Variants in DLG2 observed in about 807,000 individuals in gnomAD.
DLG2 encodes the protein discs large MAGUK scaffold protein 2, also known as disks large homolog 2.
A neutral mutation model predicts 132.5 loss-of-function variants in DLG2; 45 were observed. That is an observed-to-expected ratio of 0.34 (90% CI 0.27 to 0.44). DLG2 has a LOEUF of 0.44. Among genes scored for constraint, DLG2 ranks in the 20% least tolerant of loss-of-function variants. The pLI, the probability that DLG2 is intolerant of heterozygous loss-of-function variation, is 1.00. For synonymous variants in DLG2, 424 were observed against 419.6 expected (o/e 1.01, Z -0.13); for missense variants, 1,045 against 1,196.9 (o/e 0.87, Z 1.87).
intron 7 of DLG2, among the ~76,000 whole-genome samples, chr11:84,299,992 T>C (rs1219783641): frequency 6.6e-6 from 1 of 152,140 alleles, no homozygotes; most frequent in African/African-American, 2.4e-5. Flanking sequence ...GAACAACGTG[T>C]TTGTAACAGA....
intron 7 of DLG2, among the ~76,000 whole-genome samples, chr11:84,532,705 C>T (rs2099345755): frequency 1.3e-5 from 2 of 152,110 alleles, no homozygotes; most frequent in African/African-American, 4.8e-5. Flanking sequence ...CCTTGTTACC[C>T]AGGCTGGTCT....
At chr11:85,425,018 C>A in intron 3 of DLG2, among the ~76,000 whole-genome samples, 1 of 90,932 alleles carries the variant, frequency 1.1e-5, no homozygotes. Context: ...ACTTCTAGAG[C>A]AAAAAACAAA....
intron 3 of DLG2, among the ~76,000 whole-genome samples, chr11:85,372,315 CTA>C (rs1209667067): frequency 1.3e-5 from 2 of 152,204 alleles, no homozygotes; most frequent in Non-Finnish European, 2.9e-5. Context: ...GCAAGCATAA[CTA>C]TAGCTACCAA....
At chr11:84,674,023 T>C (rs17735326) in intron 6 of DLG2, among the ~76,000 whole-genome samples, 12,557 of 152,252 alleles carry the variant, frequency 0.082, 673 homozygotes, top group Middle Eastern at 0.13. Context: ...AGGTGCAGAA[T>C]AATGGCACAA....
At chr11:84,567,333 T>C (rs772079475) in intron 6 of DLG2, among the ~76,000 whole-genome samples, 1 of 152,168 alleles carries the variant, frequency 6.6e-6, no homozygotes, top group Non-Finnish European at 1.5e-5. Context: ...AGCTGAAAAG[T>C]ATGCTACTGG....
At chr11:84,117,144 A>G (rs1355466403) in intron 9 of DLG2, among the ~76,000 whole-genome samples, 2 of 152,178 alleles carry the variant, frequency 1.3e-5, no homozygotes, top group African/African-American at 4.8e-5. Context: ...CCTAATCCTT[A>G]CAAATGAAAG....
chr11:83,568,301 A>G (rs1455839212), intron 19 of DLG2, among the ~76,000 whole-genome samples: 1 of 152,120 alleles, frequency 6.6e-6, no homozygotes, highest in Non-Finnish European at 1.5e-5. Context: ...ATTTGGGCTA[A>G]GGTAATGGAT....
intron 16 of DLG2, among the ~76,000 whole-genome samples, chr11:83,855,249 T>C (rs1009379515): frequency 5.3e-5 from 8 of 152,232 alleles, no homozygotes; most frequent in Admixed American, 2.0e-4. Context: ...CTTTGGAAGA[T>C]AGTTTGGTGG....
chr11:84,475,608 G>A (rs1419235888), intron 7 of DLG2, among the ~76,000 whole-genome samples: 1 of 152,118 alleles, frequency 6.6e-6, no homozygotes, highest in Non-Finnish European at 1.5e-5. Flanking sequence ...TTGGTAGCTT[G>A]TGGGAGTATT....
intron 7 of DLG2, chr11:84,272,334 G>A (rs2097735511): frequency 4.8e-6 from 2 of 416,726 alleles, no homozygotes; most frequent in Non-Finnish European, 9.7e-6. Context: ...GAGTTTCTAT[G>A]TCAGAAATAA....
At chr11:84,412,624 T>C (rs188303393) in intron 7 of DLG2, among the ~76,000 whole-genome samples, 2 of 152,306 alleles carry the variant, frequency 1.3e-5, no homozygotes, top group Admixed American at 1.3e-4. Context: ...CAAACAGTAT[T>C]GTAAACTGCC....
intron 3 of DLG2, among the ~76,000 whole-genome samples, chr11:85,344,776 G>C (rs2082716701): frequency 6.6e-6 from 1 of 151,680 alleles, no homozygotes; most frequent in Non-Finnish European, 1.5e-5. Context: ...GTATTGCTGA[G>C]TTGGATTTCC....
At chr11:83,801,068 C>T (rs2153938710) in intron 17 of DLG2, among the ~76,000 whole-genome samples, 1 of 152,276 alleles carries the variant, frequency 6.6e-6, no homozygotes, top group East Asian at 1.9e-4. Context: ...CGAGAGTTTT[C>T]TCATTTTCAG....
At chr11:83,530,238 C>T (rs2095706595) in intron 21 of DLG2, among the ~76,000 whole-genome samples, 1 of 152,058 alleles carries the variant, frequency 6.6e-6, no homozygotes, top group Non-Finnish European at 1.5e-5. Context: ...CATGATGTCA[C>T]ATACCCTCAC....
chr11:84,405,716 A>AG (rs2098846389), intron 7 of DLG2, among the ~76,000 whole-genome samples: 1 of 152,170 alleles, frequency 6.6e-6, no homozygotes. Flanking sequence ...GAAAGTACTA[A>AG]GGGGGAAAAA....
intron 22 of DLG2, chr11:83,480,620 TTTC>T: frequency 6.4e-7 from 1 of 1,557,246 alleles, no homozygotes. Context: ...TTGATTGCTG[TTTC>T]TTCTTTTTAG....
intron 19 of DLG2, among the ~76,000 whole-genome samples, chr11:83,607,839 C>T (rs754555120): frequency 6.6e-6 from 1 of 152,200 alleles, no homozygotes; most frequent in Non-Finnish European, 1.5e-5. Flanking sequence ...TTATAAATAT[C>T]ATGTTGAGCC....
intron 21 of DLG2, among the ~76,000 whole-genome samples, chr11:83,530,392 A>T (rs536842205): frequency 3.4e-4 from 51 of 151,924 alleles, no homozygotes; most frequent in African/African-American, 1.1e-3. Flanking sequence ...GGGCCTCAAA[A>T]TCCCTGAGAA....
At chr11:85,410,966 C>G (rs1421340871) in intron 3 of DLG2, among the ~76,000 whole-genome samples, 1 of 151,826 alleles carries the variant, frequency 6.6e-6, no homozygotes, top group Non-Finnish European at 1.5e-5. Context: ...AGCAAGTTTG[C>G]TTCCAGAGGC....
Sources: allele counts gnomAD v4.1 joint callset (sites outside exome capture counted in the v4.1 genomes callset), GRCh38; gene constraint gnomAD v4.1.1; transcripts MANE v1.5; gene names NCBI Gene and HGNC (gene_info 2026-07-23, HGNC 2026-07-21).